PITPNM2: variants seen among roughly 807,000 people sequenced by gnomAD.
PITPNM2 encodes membrane-associated phosphatidylinositol transfer protein 2.
PITPNM2 carries 35 observed loss-of-function variants against 132.2 expected under a neutral mutation model. The observed-to-expected ratio is 0.26, with a 90% confidence interval of 0.20 to 0.35. PITPNM2 has a LOEUF of 0.35. PITPNM2 is among the 10% of genes least tolerant of loss of function. The pLI is 1.00. For synonymous variants in PITPNM2, 738 were observed against 799.2 expected (o/e 0.92, Z 1.29); for missense variants, 1,332 against 1,912.0 (o/e 0.70, Z 5.66).
intron 1 of PITPNM2, among the ~76,000 whole-genome samples, chr12:123,143,762 G>C (rs892054757): frequency 2.6e-5 from 4 of 152,228 alleles, no homozygotes; most frequent in South Asian, 4.1e-4. Context: ...GCACCATTCT[G>C]CTGGCAGCAG....
intron 1 of PITPNM2, among the ~76,000 whole-genome samples, chr12:123,143,388 G>GA (rs1479652545): frequency 6.6e-6 from 1 of 152,204 alleles, no homozygotes; most frequent in Non-Finnish European, 1.5e-5. Context: ...TGCCAAAAGA[G>GA]AAAATTCAGG....
intron 2 of PITPNM2, among the ~76,000 whole-genome samples, chr12:123,054,936 C>T (rs919749597): frequency 5.9e-5 from 9 of 152,204 alleles, no homozygotes; most frequent in South Asian, 2.1e-4. Context: ...TGGTGGGATA[C>T]GCTTGTAGTT....
intron 2 of PITPNM2, among the ~76,000 whole-genome samples, chr12:123,109,181 A>G (rs1174441249): frequency 6.6e-6 from 1 of 152,248 alleles, no homozygotes; most frequent in Non-Finnish European, 1.5e-5. Context: ...TGGAACATCC[A>G]TCCTCCGTGC....
At chr12:123,019,476 C>T (rs911081709) in intron 3 of PITPNM2, among the ~76,000 whole-genome samples, 2 of 152,182 alleles carry the variant, frequency 1.3e-5, no homozygotes, top group East Asian at 3.9e-4. Flanking sequence ...ACCTTTAGAA[C>T]ACCAGGCCGA....
intron 6 of PITPNM2, among the ~76,000 whole-genome samples, chr12:123,007,894 A>T (rs1176835082): frequency 6.6e-6 from 1 of 152,144 alleles, no homozygotes; most frequent in Non-Finnish European, 1.5e-5. Context: ...GGCCCCCAAG[A>T]AGCCCAGCGT....
intron 2 of PITPNM2, among the ~76,000 whole-genome samples, chr12:123,073,078 T>C (rs1236119731): frequency 6.6e-6 from 1 of 152,232 alleles, no homozygotes; most frequent in Non-Finnish European, 1.5e-5. Flanking sequence ...CCAGCTTCCA[T>C]GAGGATGGAG....
intron 2 of PITPNM2, among the ~76,000 whole-genome samples, chr12:123,109,843 C>A (rs184315500): frequency 6.6e-6 from 1 of 152,334 alleles, no homozygotes; most frequent in East Asian, 1.9e-4. Context: ...TATTTGGAAT[C>A]GAAAGCTACC....
Position 123,023,301 on chromosome 12 carries a change from CAT to C in PITPNM2, c.79-9261_79-9260del, listed in dbSNP as rs2039741427. Among the ~76,000 whole-genome samples, 2 of 152,206 alleles carry C rather than the reference CAT, an allele frequency of 1.3e-5. No individual in the cohort carries two copies. The highest frequency in any genetic ancestry group is 4.1e-4 in the South Asian group (2 of 4,832). Reference sequence around the variant, plus strand: ...GCGCAGGCGTGCATGCGTGCACACACATGTGGCGTGTGTGTGCATGCAGGAGC... The same window carrying C: ...GCGCAGGCGTGCATGCGTGCACACACGTGGCGTGTGTGTGCATGCAGGAGC... On this transcript the variant is annotated intron_variant, in intron 3 of 25. Transcript: ENST00000320201. The surrounding 1 kb of genome is among the most constrained non-coding windows in gnomAD (Gnocchi z 4.8).
intron 1 of PITPNM2, among the ~76,000 whole-genome samples, chr12:123,134,287 T>C (rs924336080): frequency 6.6e-6 from 1 of 152,108 alleles, no homozygotes; most frequent in Non-Finnish European, 1.5e-5. Flanking sequence ...ATGGTCGCGA[T>C]CTTCTGACCT....
At chr12:123,105,114 G>C (rs556008788) in intron 2 of PITPNM2, among the ~76,000 whole-genome samples, 1 of 152,046 alleles carries the variant, frequency 6.6e-6, no homozygotes, top group East Asian at 1.9e-4. Context: ...CTTTCTCCCT[G>C]AGCTACCATC....
chr12:123,015,326 G>T (rs1439005137), intron 3 of PITPNM2, among the ~76,000 whole-genome samples: 6 of 151,820 alleles, frequency 4.0e-5, no homozygotes, highest in African/African-American at 1.5e-4. Context: ...GTGTAGCACT[G>T]GATAGGATAG....
intron 1 of PITPNM2, among the ~76,000 whole-genome samples, chr12:123,130,093 T>TG: frequency 6.6e-6 from 1 of 152,162 alleles, no homozygotes; most frequent in South Asian, 2.1e-4. Flanking sequence ...TCTGCAGAGA[T>TG]GGGGTCTCGA....
chr12:123,146,632 T>A (rs1393743380), intron 1 of PITPNM2, among the ~76,000 whole-genome samples: 11 of 142,152 alleles, frequency 7.7e-5, no homozygotes, highest in East Asian at 2.0e-4. Flanking sequence ...AATAAAAGTT[T>A]AAAAAAAAAA....
intron 2 of PITPNM2, among the ~76,000 whole-genome samples, chr12:123,100,899 C>A (rs144773964): frequency 3.3e-5 from 5 of 152,348 alleles, no homozygotes; most frequent in Non-Finnish European, 7.3e-5. Context: ...CTATAACTCC[C>A]TGGTTCCAGA....
chr12:123,002,062 GGGT>G (rs1483526722), intron 8 of PITPNM2, among the ~76,000 whole-genome samples: 1 of 151,724 alleles, frequency 6.6e-6, no homozygotes, highest in Non-Finnish European at 1.5e-5. Flanking sequence ...TTTAGGCCAG[GGGT>G]GGTGGTTCAC....
Position 122,986,330 on chromosome 12 carries a change from C to T in PITPNM2, c.3747G>A (p.Ala1249=), listed in dbSNP as rs376136613. 3 of 1,579,404 alleles carry T rather than the reference C, an allele frequency of 1.9e-6. No individual in the cohort carries two copies. The highest frequency in any genetic ancestry group is 1.3e-5 in the African/African-American group (1 of 74,288). Residue 1249 remains alanine, a synonymous_variant, in exon 26 of 26, where the codon GCG becomes GCA. Transcript: ENST00000320201. The part of the protein sequence containing the change: ...QQCQFITDGY[A]AHLAQLKYSH... ...TGTACTTCAGCTGCGCCAGGTGGGCCGCGTAGCCATCCGTGATGAACTGCG... is the reference window on the plus strand; with the variant it reads ...TGTACTTCAGCTGCGCCAGGTGGGCTGCGTAGCCATCCGTGATGAACTGCG...
At chr12:123,007,237 G>A (rs769786044) in intron 6 of PITPNM2, among the ~76,000 whole-genome samples, 4 of 152,164 alleles carry the variant, frequency 2.6e-5, no homozygotes, top group East Asian at 1.9e-4. Context: ...GGATGCACGC[G>A]TGGGGGCTTT....
At chr12:123,019,344 A>G (rs553632512) in intron 3 of PITPNM2, among the ~76,000 whole-genome samples, 79 of 152,352 alleles carry the variant, frequency 5.2e-4, no homozygotes, top group Non-Finnish European at 1.1e-3. Context: ...TTGCAAGACC[A>G]TCAGGGTAGA....
In PITPNM2 at chr12:123,000,687, T is replaced by A; in HGVS notation, c.1224+91A>T. The A allele has an allele frequency of 7.1e-7, 1 of 1,399,838 alleles. No homozygotes were observed. The highest frequency in any genetic ancestry group is 9.9e-7 in the Non-Finnish European group (1 of 1,010,122). The allele number at this position is 1,399,838 out of a possible 1,614,324, so 86.7% of individuals were successfully genotyped here. A position where few individuals can be genotyped will look rare whatever the true frequency, so the allele number is the denominator to read the frequency against. On this transcript the variant is annotated intron_variant, in intron 10 of 25. Transcript: ENST00000320201. This position sits in a 1 kb window ranked among gnomAD's most constrained non-coding sequence, Gnocchi z 5.4. ...GGAGGTGAGGCTGCCAGGCCCAGAGTTCCACCTCTGTAACCCCTCAGACTA... is the reference window on the plus strand; with the variant it reads ...GGAGGTGAGGCTGCCAGGCCCAGAGATCCACCTCTGTAACCCCTCAGACTA...
Sources: gnomAD v4.1 joint callset for allele counts (sites outside exome capture counted in the v4.1 genomes callset) on GRCh38, gnomAD v4.1.1 for gene constraint, Gnocchi (gnomAD v3.1) non-coding constraint, MANE v1.5 for transcripts, NCBI Gene and HGNC (gene_info 2026-07-23, HGNC 2026-07-21) for gene names.